The following INTS5 variants were observed in gnomAD, a reference collection of about 807,000 sequenced individuals.
INTS5 encodes integrator complex subunit 5.
Under a neutral mutation model 60.0 loss-of-function variants are expected in INTS5, and 29 were observed. The observed-to-expected ratio is 0.48, with a 90% CI of 0.36 to 0.66. The LOEUF (loss-of-function observed/expected upper bound fraction) is 0.66, where lower values mean the gene tolerates loss of function less well. Ranked by LOEUF, INTS5 falls within the 30% of genes least tolerant of loss-of-function variation. The pLI, the probability that INTS5 is intolerant of heterozygous loss-of-function variation, is 0.00. For missense variants in INTS5, 1,129 were observed against 1,307.9 expected (o/e 0.86, Z 2.11); for synonymous variants, 588 against 558.8 (o/e 1.05, Z -0.74).
chr11:62,650,204 C>T (rs1173860156), intron 1 of INTS5, among the ~76,000 whole-genome samples: 1 of 151,636 alleles, frequency 6.6e-6, no homozygotes, highest in African/African-American at 2.4e-5. Flanking sequence ...GCAAGCTCCG[C>T]CTCCTGGGTT....
Position 62,648,006 on chromosome 11 carries a change from G to C in INTS5, c.2074C>G (p.Leu692Val). Residue 692 changes from leucine to valine, a missense_variant, in exon 2 of 2, where the codon CTG becomes GTG. Leu to Val is a conservative substitution (Grantham distance 32). Transcript: ENST00000330574. The surrounding 1 kb of genome is among the most constrained non-coding windows in gnomAD (Gnocchi z 4.4). ...PAGLKAVLQL[L>V]VEGALHRGNT... ...CCTCGATGTAAGGCTCCTTCAACCA[G>C]CAGCTGCAGGACAGCCTTGAGCCCA... 1 of 1,614,170 alleles carries C rather than the reference G, an allele frequency of 6.2e-7. No homozygotes were observed. The highest frequency in any genetic ancestry group is 8.5e-7 in the Non-Finnish European group (1 of 1,180,006).
Position 62,648,923 on chromosome 11 carries a change from T to C in INTS5, c.1157A>G (p.Asn386Ser). ...CAGGTGCACAGCCAGGTTCAACATG[T>C]TGTCCAGCTCCTCTCGGGGGAATCC... ...LQGFPREELD[N>S]MLNLAVHLVS... The change falls in exon 2 of 2, where the codon AAC becomes AGC. Residue 386 changes from asparagine (N) to serine (S), a missense_variant. Coordinates refer to ENST00000330574, the MANE Select transcript of INTS5 (RefSeq NM_030628.2). This position sits in a 1 kb window ranked among gnomAD's most constrained non-coding sequence, Gnocchi z 4.4. 1 of 1,613,228 alleles carries C rather than the reference T, an allele frequency of 6.2e-7. No homozygotes were observed.
Position 62,647,918 on chromosome 11 carries a change from G to A in INTS5, c.2162C>T (p.Ala721Val). The A allele has an allele frequency of 5.0e-6, 8 of 1,614,244 alleles. No individual in the cohort carries two copies. The highest frequency in any genetic ancestry group is 6.8e-6 in the Non-Finnish European group (8 of 1,180,044). The part of the protein sequence containing the change: ...GDNETLSVVS[A>V]SLASASLLDT... ...CAACAGGGAGGCAGAAGCCAAAGAA[G>A]CTGAAACAACTGAGAGAGTCTCATT... is the stretch of plus-strand genomic sequence containing the variant. The change falls in exon 2 of 2, where the codon GCT becomes GTT. Residue 721 changes from alanine (A) to valine (V), a missense_variant. By Grantham distance (64) the Ala-to-Val change is moderately conservative. This residue lies in a region of INTS5 where 1,070 missense variants were observed against 1,246.1 expected (regional missense o/e 0.86). Coordinates refer to ENST00000330574, the MANE Select transcript of INTS5 (RefSeq NM_030628.2).
At position 62,648,239 on chromosome 11, in the gene INTS5, A is replaced by G; in HGVS notation, c.1841T>C (p.Leu614Pro). ...AGCTACTTCCTCCTCAGGATGTAGC[A>G]GGAGAGGAGCCAGGTCAGACAGATG... ...SAHLSDLAPL[L>P]LHPEEEVAEA... is the part of the protein sequence containing the mutation. The change falls in exon 2 of 2, where the codon CTG (leucine) becomes CCG (proline). Residue 614 changes from leucine (L) to proline (P), a missense_variant. Around this residue, in one of 3 missense-constraint regions of INTS5, gnomAD observed 1,070 missense variants for 1,246.1 expected, o/e 0.86. Coordinates refer to ENST00000330574, the MANE Select transcript of INTS5 (RefSeq NM_030628.2). This position sits in a 1 kb window ranked among gnomAD's most constrained non-coding sequence, Gnocchi z 4.4. 6.2e-7 allele frequency: 1 copy of G among 1,613,806 alleles called. No homozygotes were observed.
Position 62,648,192 on chromosome 11 carries a change from C to A in INTS5, c.1888G>T (p.Ala630Ser), listed in dbSNP as rs759462488. 38 of 1,613,154 alleles carry A rather than the reference C, an allele frequency of 2.4e-5. No individual in the cohort carries two copies. Among genetic ancestry groups the A allele is most frequent in the Non-Finnish European group, 3.1e-5 (37 of 1,179,590 alleles). Residue 630 changes from alanine (A) to serine (S), a missense_variant, in exon 2 of 2, where the codon GCC becomes TCC. This residue lies in a region of INTS5 where 1,070 missense variants were observed against 1,246.1 expected (regional missense o/e 0.86). Transcript: ENST00000330574. The surrounding 1 kb of genome is among the most constrained non-coding windows in gnomAD (Gnocchi z 4.4). The part of the protein sequence containing the change: ...EVAEAAASLL[A>S]ICPFPSEALS... ...GCTTCAGAAGGAAAGGGACAAATGG[C>A]CAGGAGAGAGGCAGCAGCTTCAGCT... is the stretch of plus-strand genomic sequence containing the variant.
rs1009724331 is a variant in INTS5 at position 62,649,408 on chromosome 11, G to A, written c.672C>T (p.Asp224=). 1 of 1,614,202 alleles carries A rather than the reference G, an allele frequency of 6.2e-7. No homozygotes were observed. The highest frequency in any genetic ancestry group is 2.2e-5 in the East Asian group (1 of 44,884). Residue 224 remains aspartate, a synonymous_variant, in exon 2 of 2, where the codon GAC becomes GAT. Coordinates refer to ENST00000330574, the MANE Select transcript of INTS5 (RefSeq NM_030628.2). The surrounding 1 kb of genome is among the most constrained non-coding windows in gnomAD (Gnocchi z 6.0). ...AGGAGCCAATATGTGCCACAACCCA[G>A]TCAAAGTGTGGAGAATGCTGAACAG... ...DTSVQHSPHF[D]WVVAHIGSSF... is the part of the protein sequence containing the mutation.
intron 1 of INTS5, among the ~76,000 whole-genome samples, chr11:62,651,542 G>C (rs1365777572): frequency 6.6e-6 from 1 of 151,972 alleles, no homozygotes; most frequent in African/African-American, 2.4e-5. Context: ...AATAAGTTAG[G>C]TACTATTATG....
intron 1 of INTS5, among the ~76,000 whole-genome samples, chr11:62,651,743 G>A (rs1054716360): frequency 2.6e-5 from 4 of 151,680 alleles, no homozygotes; most frequent in Non-Finnish European, 4.4e-5. Context: ...ATGTGCCTGC[G>A]GTCCCACCTA....
intron 1 of INTS5, 22 bp from the exon 2 acceptor site, chr11:62,650,021 A>G: frequency 6.3e-7 from 1 of 1,587,202 alleles, no homozygotes; most frequent in South Asian, 1.1e-5. Context: ...CAAAAGAAAC[A>G]GACTTAAGAG....
At chr11:62,652,266 C>A (rs1199958246) in intron 1 of INTS5, among the ~76,000 whole-genome samples, 1 of 152,056 alleles carries the variant, frequency 6.6e-6, no homozygotes, top group East Asian at 1.9e-4. Context: ...TTGCAGTAAG[C>A]CGAGATCACG....
Position 62,647,981 on chromosome 11 carries a change from C to G in INTS5, c.2099G>C (p.Gly700Ala). The change falls in exon 2 of 2, where the codon GGC becomes GCC. Residue 700 changes from glycine to alanine, a missense_variant. Physicochemically the swap from Gly to Ala is moderately conservative, Grantham distance 60 (BLOSUM62 0). This residue lies in a region of INTS5 where 1,070 missense variants were observed against 1,246.1 expected (regional missense o/e 0.86). Transcript: ENST00000330574. ...TTGCCCACCAAACAGTTCTGTGTTG[C>G]CTCGATGTAAGGCTCCTTCAACCAG... is the stretch of plus-strand genomic sequence containing the variant. ...QLLVEGALHR[G>A]NTELFGGQVD... 6.2e-7 allele frequency: 1 copy of G among 1,614,194 alleles called. No individual in the cohort carries two copies.
In INTS5 at chr11:62,647,315, G is replaced by A. The variant is rs530708205; in HGVS notation, c.2765C>T (p.Pro922Leu). 1.2e-5 allele frequency: 19 copies of A among 1,614,004 alleles called. No homozygotes were observed. Among genetic ancestry groups the A allele is most frequent in the Non-Finnish European group, 2.5e-6 (3 of 1,180,056 alleles). ...AVMAEGSLLPPALGNMHEVFS... is the reference protein window; with the variant it reads ...AVMAEGSLLPLALGNMHEVFS... ...TACTTCATGCATATTACCCAGGGCC[G>A]GAGGCAGGAGGCTTCCCTCAGCCAT... Residue 922 changes from proline to leucine, a missense_variant, in exon 2 of 2, where the codon CCG becomes CTG. This residue lies in a region of INTS5 where 1,070 missense variants were observed against 1,246.1 expected (regional missense o/e 0.86). Transcript: ENST00000330574.
rs1024650635 is a variant in INTS5 at position 62,649,098 on chromosome 11, G to T, written c.982C>A (p.Arg328Ser). ...GCCTGAAGGGAGGGGTCCCCACTGC[G>T]GCCTCCAGATCCCCCTGCCAGGCTA... ...HDSLAGGSGGRSGDPSLQATV... is the reference protein window; with the variant it reads ...HDSLAGGSGGSSGDPSLQATV... Residue 328 changes from arginine to serine, a missense_variant, in exon 2 of 2, where the codon CGC becomes AGC. Around this residue, in one of 3 missense-constraint regions of INTS5, gnomAD observed 1,070 missense variants for 1,246.1 expected, o/e 0.86. Transcript: ENST00000330574. The surrounding 1 kb of genome is among the most constrained non-coding windows in gnomAD (Gnocchi z 6.0). 5.0e-6 allele frequency: 8 copies of T among 1,610,452 alleles called. No homozygotes were observed. Among genetic ancestry groups the T allele is most frequent in the Non-Finnish European group, 6.8e-6 (8 of 1,177,154 alleles).
In INTS5 at chr11:62,653,286, G is replaced by A. The variant is rs1944612304; in HGVS notation, c.-37C>T. 1 of 1,231,132 alleles carries A rather than the reference G, an allele frequency of 8.1e-7. No homozygotes were observed. The allele number at this position is 1,231,132 out of a possible 1,614,324, so 76.3% of individuals were successfully genotyped here. A position where few individuals can be genotyped will look rare whatever the true frequency, so the allele number is the denominator to read the frequency against. ...AGCCGAGCCCGAGGCGCGAGCGGCG[G>A]AGCGCAGGCGGCGCATGCGCGCTGA... is the stretch of plus-strand genomic sequence containing the variant. On this transcript the variant is annotated 5_prime_UTR_variant, in exon 1 of 2. Coordinates refer to ENST00000330574, the MANE Select transcript of INTS5 (RefSeq NM_030628.2).
rs1944572586 is a variant in INTS5, at chr11:62,648,984, G to A, written c.1096C>T (p.Pro366Ser). 1.9e-6 allele frequency: 3 copies of A among 1,613,224 alleles called. No homozygotes were observed. The highest frequency in any genetic ancestry group is 2.5e-6 in the Non-Finnish European group (3 of 1,179,720). The change falls in exon 2 of 2, where the codon CCA becomes TCA. Residue 366 changes from proline to serine, a missense_variant. By Grantham distance (74) the Pro-to-Ser change is moderately conservative. Around this residue, in one of 3 missense-constraint regions of INTS5, gnomAD observed 1,070 missense variants for 1,246.1 expected, o/e 0.86. Transcript: ENST00000330574. This position sits in a 1 kb window ranked among gnomAD's most constrained non-coding sequence, Gnocchi z 4.4. ...SGELVDCLKP[P>S]AVLSQLQQHL... ...TGCTGCAGCTGGCTCAGCACAGCTG[G>A]GGGCTTGAGGCAATCCACAAGCTCT...
In INTS5 at chr11:62,647,373, GC is replaced by G. The variant is rs772065663; in HGVS notation, c.2706del (p.Trp902CysfsTer9). ...ACTAAGGTGCAGGATGCCTCCAGGT[GC>G]CAGGGGGAGTGGGTCGTGTCAGGGT... ...SRHPDTTHSP[W>X]HLEASCTLVA... On this transcript the variant is annotated frameshift_variant, in exon 2 of 2. Coordinates refer to ENST00000330574, the MANE Select transcript of INTS5 (RefSeq NM_030628.2). LOFTEE classifies it high-confidence loss of function. The G allele has an allele frequency of 6.2e-7, 1 of 1,613,328 alleles. No individual in the cohort carries two copies. Among genetic ancestry groups the G allele is most frequent in the South Asian group, 1.1e-5 (1 of 91,082 alleles).
rs766475931 is a variant in INTS5, at chr11:62,649,036, T to C, written c.1044A>G (p.Ser348=). ...CAGAGACAGTGCCCAGCAAAGCTGGTGACATGACTGCCAGCTGCAGTAGGA... is the reference window on the plus strand; with the variant it reads ...CAGAGACAGTGCCCAGCAAAGCTGGCGACATGACTGCCAGCTGCAGTAGGA... The part of the protein sequence containing the change: ...VPFLLQLAVM[S]PALLGTVSGE... Residue 348 remains serine (S), a synonymous_variant, in exon 2 of 2, where the codon TCA becomes TCG. Coordinates refer to ENST00000330574, the MANE Select transcript of INTS5 (RefSeq NM_030628.2). The surrounding 1 kb of genome is among the most constrained non-coding windows in gnomAD (Gnocchi z 6.0). 1 of 1,612,328 alleles carries C rather than the reference T, an allele frequency of 6.2e-7. No homozygotes were observed. Among genetic ancestry groups the C allele is most frequent in the Non-Finnish European group, 8.5e-7 (1 of 1,178,888 alleles).
Position 62,647,311 on chromosome 11 carries a change from G to A in INTS5, c.2769C>T (p.Ala923=). The A allele has an allele frequency of 6.2e-7, 1 of 1,614,142 alleles. No homozygotes were observed. Among genetic ancestry groups the A allele is most frequent in the Non-Finnish European group, 8.5e-7 (1 of 1,180,042 alleles). ...VMAEGSLLPP[A]LGNMHEVFSQ... is the part of the protein sequence containing the mutation. ...TAAATACTTCATGCATATTACCCAG[G>A]GCCGGAGGCAGGAGGCTTCCCTCAG... Residue 923 remains alanine (A), a synonymous_variant, in exon 2 of 2, where the codon GCC becomes GCT. Coordinates refer to ENST00000330574, the MANE Select transcript of INTS5 (RefSeq NM_030628.2).
intron 1 of INTS5, among the ~76,000 whole-genome samples, chr11:62,650,800 C>T (rs1271277766): frequency 6.6e-6 from 1 of 152,004 alleles, no homozygotes; most frequent in Admixed American, 6.6e-5. Context: ...CTCGAACTCC[C>T]AGACTCAAAG....
Sources: allele counts gnomAD v4.1 joint callset (sites outside exome capture counted in the v4.1 genomes callset), GRCh38; gene constraint gnomAD v4.1.1; regional missense constraint gnomAD v4.1.1; non-coding constraint Gnocchi (gnomAD v3.1); transcripts MANE v1.5; gene names NCBI Gene and HGNC (gene_info 2026-07-23, HGNC 2026-07-21).